Variants in RBFOX1 observed in about 807,000 individuals in gnomAD.
RBFOX1 encodes RNA binding protein fox-1 homolog 1.
A neutral mutation model predicts 57.7 loss-of-function variants in RBFOX1; 8 were observed. The ratio of observed to expected loss-of-function variants is 0.14; its 90% confidence interval spans 0.08 to 0.25. RBFOX1 has a LOEUF of 0.25. Ranked by LOEUF, RBFOX1 falls within the 10% of genes least tolerant of loss-of-function variation. The pLI is 1.00. For missense variants in RBFOX1, 611 were observed against 548.5 expected, an observed-to-expected ratio of 1.11 and a Z score of -1.14; for synonymous variants, 326 against 222.4, an observed-to-expected ratio of 1.47 and a Z score of -4.15.
chr16:6,233,464 A>G (rs940185957), intron 1 of RBFOX1, among the ~76,000 whole-genome samples: 1 of 152,096 alleles, frequency 6.6e-6, no homozygotes, highest in African/African-American at 2.4e-5. Context: ...ATATTACCCC[A>G]TAGGCAGCCT....
chr16:5,253,009 T>C (rs1310659263), intron 1 of RBFOX1, among the ~76,000 whole-genome samples: 5 of 152,246 alleles, frequency 3.3e-5, no homozygotes, highest in Admixed American at 6.5e-5. Context: ...GCCTGATTCA[T>C]CAGCGTGAGG....
At chr16:6,591,332 T>C (rs2097707593) in intron 2 of RBFOX1, among the ~76,000 whole-genome samples, 1 of 152,128 alleles carries the variant, frequency 6.6e-6, no homozygotes, top group Non-Finnish European at 1.5e-5. Context: ...TGCATGCCTG[T>C]AGTCCCAGCT....
chr16:5,291,544 A>G (rs2063535934), intron 1 of RBFOX1, among the ~76,000 whole-genome samples: 1 of 152,140 alleles, frequency 6.6e-6, no homozygotes. Flanking sequence ...GATTACAGGC[A>G]TGTGTCACGC....
intron 4 of RBFOX1, among the ~76,000 whole-genome samples, chr16:7,361,746 G>T (rs559970683): frequency 2.0e-5 from 3 of 152,308 alleles, no homozygotes; most frequent in African/African-American, 7.2e-5. Context: ...GGCAAAAGCA[G>T]AGAGACTCGA....
chr16:7,696,955 A>T (rs377424591), intron 14 of RBFOX1, among the ~76,000 whole-genome samples: 45 of 152,240 alleles, frequency 3.0e-4, no homozygotes, highest in African/African-American at 1.0e-3. Flanking sequence ...CACGGATATG[A>T]GTACAGGTGA....
chr16:6,976,998 A>C (rs111208325), intron 3 of RBFOX1, among the ~76,000 whole-genome samples: 8,099 of 147,074 alleles, frequency 0.055, 244 homozygotes, highest in African/African-American at 0.072. Context: ...ATCACATGCC[A>C]TATATTGTAT....
At chr16:6,348,138 C>G (rs2085684762) in intron 2 of RBFOX1, among the ~76,000 whole-genome samples, 2 of 152,076 alleles carry the variant, frequency 1.3e-5, no homozygotes, top group South Asian at 4.1e-4. Context: ...GGTTTGAGGT[C>G]TTTGCTCTTG....
chr16:5,402,112 C>G (rs568662703), intron 1 of RBFOX1, among the ~76,000 whole-genome samples: 2 of 152,008 alleles, frequency 1.3e-5, no homozygotes, highest in African/African-American at 4.8e-5. Flanking sequence ...TTACCAGTCC[C>G]AGGCTTCAGA....
intron 2 of RBFOX1, among the ~76,000 whole-genome samples, chr16:5,556,699 A>C (rs1263801312): frequency 6.6e-6 from 1 of 152,146 alleles, no homozygotes; most frequent in African/African-American, 2.4e-5. Flanking sequence ...CTTTGAAGCA[A>C]TGTTTTCTGA....
intron 3 of RBFOX1, among the ~76,000 whole-genome samples, chr16:5,647,756 G>A (rs757868230): frequency 6.6e-6 from 1 of 152,188 alleles, no homozygotes; most frequent in African/African-American, 2.4e-5. Context: ...CAGCTGCCAG[G>A]CTTGGTACAA....
At chr16:5,289,222 G>A in intron 1 of RBFOX1, 2 of 352,778 alleles carry the variant, frequency 5.7e-6, no homozygotes, top group South Asian at 3.9e-5. Context: ...AGTCATTCTG[G>A]GCTGACTGGG....
intron 1 of RBFOX1, among the ~76,000 whole-genome samples, chr16:6,211,097 C>T (rs1266739517): frequency 6.6e-6 from 1 of 151,578 alleles, no homozygotes; most frequent in Non-Finnish European, 1.5e-5. Context: ...ATCTTAGACC[C>T]TTACTCCAGG....
At position 5,936,973 on chromosome 16, in the gene RBFOX1, C is replaced by G. The variant is rs75461893; in HGVS notation, c.351+69638C>G. Among the ~76,000 whole-genome samples the G allele has an allele frequency of 3.4e-3, 521 of 152,258 alleles. 9 individuals carry two copies. In the East Asian group the frequency reaches 0.054, roughly 16 times the overall value. ...TGTTTTTCACTTACATATTTCTGCT[C>G]CTATATAATCAGTGTCAGTGTACCT... On this transcript the variant is annotated intron_variant, in intron 4 of 19. Coordinates refer to the RBFOX1 transcript ENST00000641259.
chr16:6,580,849 C>G (rs942628895), intron 2 of RBFOX1, among the ~76,000 whole-genome samples: 2 of 151,554 alleles, frequency 1.3e-5, no homozygotes, highest in African/African-American at 2.4e-5. Context: ...AAGTGTTAAC[C>G]GATGCCTAAA....
intron 5 of RBFOX1, among the ~76,000 whole-genome samples, chr16:7,550,071 A>G (rs1051398649): frequency 6.6e-6 from 1 of 152,046 alleles, no homozygotes; most frequent in African/African-American, 2.4e-5. Flanking sequence ...CTGGGAACAC[A>G]GGCACACAAC....
At chr16:7,411,434 C>T (rs530005397) in intron 4 of RBFOX1, among the ~76,000 whole-genome samples, 2 of 152,254 alleles carry the variant, frequency 1.3e-5, no homozygotes, top group Admixed American at 1.3e-4. Flanking sequence ...GAGACAGGGC[C>T]CTAACAGACT....
chr16:7,521,108 A>C (rs1245160070), intron 5 of RBFOX1, among the ~76,000 whole-genome samples: 2 of 148,752 alleles, frequency 1.3e-5, no homozygotes, highest in African/African-American at 5.0e-5. Flanking sequence ...GTGTAGTCTG[A>C]GAGCATTTCT....
chr16:7,666,276 T>C (rs778984252), intron 13 of RBFOX1, among the ~76,000 whole-genome samples: 2 of 152,072 alleles, frequency 1.3e-5, no homozygotes, highest in African/African-American at 2.4e-5. Flanking sequence ...GAATGGTAGT[T>C]GGCATCGCAG....
chr16:6,756,985 GACAAACA>G, intron 3 of RBFOX1, among the ~76,000 whole-genome samples: 1 of 140,844 alleles, frequency 7.1e-6, no homozygotes, highest in Non-Finnish European at 1.5e-5. Flanking sequence ...CAAACAAACA[GACAAACA>G]AACAAACAAA....
Sources: gnomAD v4.1 joint callset for allele counts (sites outside exome capture counted in the v4.1 genomes callset) on GRCh38, gnomAD v4.1.1 for gene constraint, MANE v1.5 for transcripts, NCBI Gene and HGNC (gene_info 2026-07-23, HGNC 2026-07-21) for gene names.